MED24: variants seen among roughly 807,000 people sequenced by gnomAD.
The protein encoded by MED24 is mediator of RNA polymerase II transcription subunit 24.
A neutral mutation model predicts 118.8 loss-of-function variants in MED24; 74 were observed. The ratio of observed to expected loss-of-function variants is 0.62; its 90% CI spans 0.52 to 0.76. MED24 has a LOEUF of 0.76. Among genes scored for constraint, MED24 ranks in the 30% least tolerant of loss-of-function variants. The pLI, the probability that MED24 is intolerant of heterozygous loss-of-function variation, is 0.00. For synonymous variants in MED24, 521 were observed against 523.9 expected, an observed-to-expected ratio of 0.99 and a Z score of 0.08; for missense variants, 1,041 against 1,278.9, an observed-to-expected ratio of 0.81 and a Z score of 2.84.
At position 40,019,855 on chromosome 17, in the gene MED24, A is replaced by G. The variant is rs780915619; in HGVS notation, c.2783T>C (p.Met928Thr). The G allele has an allele frequency of 4.4e-6, 7 of 1,595,484 alleles. No individual in the cohort carries two copies. The highest frequency in any genetic ancestry group is 3.5e-5 in the Admixed American group (2 of 56,762). ...CTCCAGGCAGTCCACACACTCCTCC[A>G]TGAACCACTGCACGAACTGGGTGTG... ...GPHTQFVQWF[M>T]EECVDCLEQG... Residue 928 changes from methionine to threonine, a missense_variant, in exon 25 of 26, where the codon ATG (methionine) becomes ACG (threonine). Transcript: ENST00000394128.
At chr17:40,041,640 C>T (rs951167322) in intron 3 of MED24, among the ~76,000 whole-genome samples, 4 of 152,344 alleles carry the variant, frequency 2.6e-5, no homozygotes, top group Admixed American at 6.5e-5. Context: ...CCCAACCCTA[C>T]TCTGCTCTTC....
At position 40,036,144 on chromosome 17, in the gene MED24, T is replaced by C; in HGVS notation, c.224A>G (p.Tyr75Cys). 6.2e-7 allele frequency: 1 copy of C among 1,611,442 alleles called. No individual in the cohort carries two copies. The highest frequency in any genetic ancestry group is 8.5e-7 in the Non-Finnish European group (1 of 1,177,738). ...ACTGATGGCTGTGAGGACAGAAGAG[T>C]AGGACACCATCTGGAGAGAAGGAAG... The part of the protein sequence containing the change: ...KYAISSQMVS[Y>C]SSVLTAISKF... The change falls in exon 4 of 26, where the codon TAC (tyrosine) becomes TGC (cysteine). Residue 75 changes from tyrosine (Y) to cysteine (C), a missense_variant. Around this residue, in one of 3 missense-constraint regions of MED24, gnomAD observed 434 missense variants for 514.9 expected, o/e 0.84. Coordinates refer to ENST00000394128, the MANE Select transcript of MED24 (RefSeq NM_014815.4).
At chr17:40,026,564 C>T in intron 18 of MED24, 83 bp downstream of exon 18, 1 of 1,353,070 alleles carries the variant, frequency 7.4e-7, no homozygotes, top group Non-Finnish European at 1.0e-6. Flanking sequence ...TAAAGGTCTT[C>T]TTGCCCTTAC....
intron 12 of MED24, among the ~76,000 whole-genome samples, chr17:40,030,685 G>T (rs1278332169): frequency 1.3e-5 from 2 of 150,606 alleles, no homozygotes; most frequent in South Asian, 2.1e-4. Context: ...TTGAGACAAG[G>T]TCTCACTCTA....
At chr17:40,052,531 G>A (rs1985966402) in intron 3 of MED24, among the ~76,000 whole-genome samples, 1 of 152,202 alleles carries the variant, frequency 6.6e-6, no homozygotes, top group Non-Finnish European at 1.5e-5. Flanking sequence ...GCTAAGCACT[G>A]TCTGGCACAT....
chr17:40,052,255 T>C (rs1226272929), intron 3 of MED24, among the ~76,000 whole-genome samples: 2 of 152,206 alleles, frequency 1.3e-5, no homozygotes, highest in Admixed American at 6.5e-5. Flanking sequence ...GTCACGCCAC[T>C]GCACTCCAGC....
chr17:40,021,833 C>T, intron 23 of MED24, 122 bp downstream of exon 23: 2 of 715,072 alleles, frequency 2.8e-6, no homozygotes, highest in South Asian at 3.8e-5. Context: ...AACAGCAGGT[C>T]CCTGCCACAC....
chr17:40,032,872 C>A, intron 8 of MED24, 110 bp from the exon 9 acceptor site: 1 of 1,318,194 alleles, frequency 7.6e-7, no homozygotes, highest in South Asian at 1.3e-5. Context: ...AGTCACTGCT[C>A]AGCTATGTGC....
At chr17:40,023,735 AAC>A (rs1232670568) in intron 19 of MED24, 1 of 247,906 alleles carries the variant, frequency 4.0e-6, no homozygotes, top group Non-Finnish European at 7.7e-6. Context: ...CACATAAATA[AAC>A]ACAATCACTT....
rs143507226 is a variant in MED24 at position 40,040,681 on chromosome 17, C to T, written c.214-4527G>A. 8.9e-3 allele frequency among the ~76,000 whole-genome samples: 1,343 copies of T among 151,106 alleles called. 10 individuals are homozygous for T. The highest frequency in any genetic ancestry group is 0.031 in the Middle Eastern group (9 of 292). On this transcript the variant is annotated intron_variant, in intron 3 of 25. Transcript: ENST00000394128. ...TTGCCCAGGCTGGAGTGCAGTAGCG[C>T]GATCTCGGCTCACTGCAACCTCCAC...
intron 3 of MED24, 137 bp downstream of exon 3, chr17:40,053,161 C>T: frequency 1.2e-6 from 1 of 823,520 alleles, no homozygotes; most frequent in East Asian, 2.7e-5. Context: ...TCTTGAACTC[C>T]TGGGCTCAAG....
rs1344138010 is a variant in MED24 at position 40,033,533 on chromosome 17, T to C, written c.560-77A>G. The stretch of plus-strand genomic sequence containing the variant: ...GCACCTGGCCCTGAACTCCTCGATT[T>C]TGGCACTCCCTCCGGCACACGAAAC... On this transcript the variant is annotated intron_variant, in intron 6 of 25. Coordinates refer to ENST00000394128, the MANE Select transcript of MED24 (RefSeq NM_014815.4). The surrounding 1 kb of genome is among the most constrained non-coding windows in gnomAD (Gnocchi z 5.2). 6 of 1,254,468 alleles carry C rather than the reference T, an allele frequency of 4.8e-6. No individual in the cohort carries two copies. Among genetic ancestry groups the C allele is most frequent in the African/African-American group, 3.0e-5 (2 of 67,080 alleles). The allele number at this position is 1,254,468 out of a possible 1,614,324, so 77.7% of individuals were successfully genotyped here.
At chr17:40,038,025 C>T (rs559868146) in intron 3 of MED24, among the ~76,000 whole-genome samples, 1 of 152,264 alleles carries the variant, frequency 6.6e-6, no homozygotes, top group South Asian at 2.1e-4. Context: ...TTCTCGGAAC[C>T]ATGATATACT....
chr17:40,043,998 A>T (rs1598364718), intron 3 of MED24, among the ~76,000 whole-genome samples: 1 of 149,788 alleles, frequency 6.7e-6, no homozygotes, highest in Non-Finnish European at 1.5e-5. Context: ...GCGTGGTGGC[A>T]CCCGCCCATA....
chr17:40,030,658 A>ATT (rs1295253222), intron 12 of MED24, among the ~76,000 whole-genome samples: 3 of 90,426 alleles, frequency 3.3e-5, no homozygotes, highest in Admixed American at 1.2e-4. Flanking sequence ...ATTTTTATTT[A>ATT]TTTATTTATT....
In MED24 at chr17:40,053,457, T is replaced by G; in HGVS notation, c.130+12A>C. 1 of 1,614,102 alleles carries G rather than the reference T, an allele frequency of 6.2e-7. No homozygotes were observed. Among genetic ancestry groups the G allele is most frequent in the South Asian group, 1.1e-5 (1 of 91,078 alleles). ...TATCCCTCCCATCTTTCTTTCCCAG[T>G]TCACTTGAGACCTGCCAGGTTGAGA... On this transcript the variant is annotated intron_variant, in intron 2 of 25. Transcript: ENST00000394128.
chr17:40,037,006 C>A (rs780147065), intron 3 of MED24, among the ~76,000 whole-genome samples: 18 of 151,930 alleles, frequency 1.2e-4, no homozygotes, highest in Non-Finnish European at 2.2e-4. Context: ...CATGGTGAAA[C>A]CCTGTCTCTA....
chr17:40,019,972 A>G, intron 24 of MED24, 39 bp from the exon 25 acceptor site: 1 of 1,551,132 alleles, frequency 6.4e-7, no homozygotes, highest in South Asian at 1.2e-5. Context: ...AGGGAGTTCC[A>G]TGAGAGTGGG....
chr17:40,035,621 G>A lies in MED24; in HGVS notation c.326+101C>T, dbSNP rs1033403490. ...TGGGCAGGTGGGGAGAAAAAACGTT[G>A]GAACCCGGAGTTGGTCTCGGTCTGT... On this transcript the variant is annotated intron_variant, in intron 5 of 25. Coordinates refer to ENST00000394128, the MANE Select transcript of MED24 (RefSeq NM_014815.4). 1.6e-5 allele frequency: 21 copies of A among 1,281,506 alleles called. No individual in the cohort carries two copies. In the Admixed American group the frequency reaches 4.6e-4, roughly 28 times the overall value. 79.4% of individuals were successfully genotyped at this position (1,281,506 alleles called of 1,614,324 possible).
Sources: gnomAD v4.1 joint callset for allele counts (sites outside exome capture counted in the v4.1 genomes callset) on GRCh38, gnomAD v4.1.1 for gene constraint, gnomAD v4.1.1 regional missense constraint, Gnocchi (gnomAD v3.1) non-coding constraint, MANE v1.5 for transcripts, NCBI Gene and HGNC (gene_info 2026-07-23, HGNC 2026-07-21) for gene names.